ANAPC5: variants seen among roughly 807,000 people sequenced by gnomAD.
ANAPC5 encodes the protein anaphase promoting complex subunit 5.
A neutral mutation model predicts 91.3 loss-of-function variants in ANAPC5; 60 were observed. The observed-to-expected ratio is 0.66, with a 90% CI of 0.53 to 0.81. The LOEUF (loss-of-function observed/expected upper bound fraction) is 0.81. Ranked by LOEUF, ANAPC5 falls within the 40% of genes least tolerant of loss-of-function variation. The pLI is 0.00. For synonymous variants in ANAPC5, 340 were observed against 364.1 expected (o/e 0.93, Z 0.75); for missense variants, 690 against 931.5 (o/e 0.74, Z 3.37).
chr12:121,309,810 C>T lies in ANAPC5; in HGVS notation c.1947G>A (p.Glu649=). ...GGATAGCCCCGTCAGCCAAGATGGG[C>T]TCGATGGCCATGTGGAGAAGACTTA... ...QALSLLHMAI[E]PILADGAILD... Residue 649 remains glutamate, a synonymous_variant, in exon 16 of 17, where the codon GAG becomes GAA. Coordinates refer to ENST00000261819, the MANE Select transcript of ANAPC5 (RefSeq NM_016237.5). 1 of 1,614,148 alleles carries T rather than the reference C, an allele frequency of 6.2e-7. No homozygotes were observed. The highest frequency in any genetic ancestry group is 1.3e-5 in the African/African-American group (1 of 75,050).
At chr12:121,332,715 G>A (rs1258671217) in intron 7 of ANAPC5, 1 of 152,012 alleles carries the variant, frequency 6.6e-6, no homozygotes, top group African/African-American at 2.4e-5. Flanking sequence ...CAGGCCCATA[G>A]ATCCAAGACC....
chr12:121,343,009 T>C (rs986190536), intron 4 of ANAPC5, among the ~76,000 whole-genome samples: 14 of 152,216 alleles, frequency 9.2e-5, no homozygotes, highest in African/African-American at 3.4e-4. Context: ...TAGATTTAAA[T>C]ATAAAGAATA....
intron 1 of ANAPC5, chr12:121,351,061 T>C (rs1403518368): frequency 8.9e-6 from 4 of 449,338 alleles, no homozygotes; most frequent in East Asian, 7.4e-5. Context: ...GAGCTAAACC[T>C]GTGTCTGCAA....
At chr12:121,326,450 TAGC>T (rs1555272268) in intron 11 of ANAPC5, 6 of 152,342 alleles carry the variant, frequency 3.9e-5, no homozygotes, top group Admixed American at 3.3e-4. Context: ...AAGCCTACAG[TAGC>T]AGAAGAGATA....
At chr12:121,332,585 T>TC (rs1235422934) in intron 7 of ANAPC5, 6 of 151,680 alleles carry the variant, frequency 4.0e-5, no homozygotes, top group Non-Finnish European at 5.9e-5. Flanking sequence ...AAGTTTTTTT[T>TC]TTTCTTTTTC....
chr12:121,331,459 T>A (rs782607306), intron 7 of ANAPC5, 31 bp from the exon 8 acceptor site: 3 of 1,564,794 alleles, frequency 1.9e-6, no homozygotes, highest in Non-Finnish European at 2.6e-6. Flanking sequence ...AATATCCCAT[T>A]AATAATCACA....
At chr12:121,325,646 C>A (rs1902786331) in intron 11 of ANAPC5, among the ~76,000 whole-genome samples, 1 of 151,978 alleles carries the variant, frequency 6.6e-6, no homozygotes, top group African/African-American at 2.4e-5. Context: ...GCAGGCGGAT[C>A]ACCTGAGGCC....
upstream of ANAPC5, chr12:121,352,555 G>A: frequency 1.9e-6 from 1 of 524,354 alleles, no homozygotes; most frequent in Middle Eastern, 5.1e-4. Flanking sequence ...GCGGGGAGGG[G>A]TGCACCAAAA....
chr12:121,341,866 G>A (rs943671531), intron 5 of ANAPC5, 137 bp downstream of exon 5: 9 of 538,688 alleles, frequency 1.7e-5, no homozygotes, highest in East Asian at 9.5e-5. Flanking sequence ...AGGCAGAGGG[G>A]ACCAAGAGTA....
rs1193134705 is a variant in ANAPC5, at chr12:121,318,351, C to T, written c.1819G>A (p.Ala607Thr). 1 of 1,611,232 alleles carries T rather than the reference C, an allele frequency of 6.2e-7. No individual in the cohort carries two copies. The highest frequency in any genetic ancestry group is 1.7e-5 in the Admixed American group (1 of 59,442). The change falls in exon 15 of 17, where the codon GCT becomes ACT. Residue 607 changes from alanine (A) to threonine (T), a missense_variant. By Grantham distance (58) the Ala-to-Thr change is moderately conservative. Transcript: ENST00000261819. Reference sequence around the variant, plus strand: ...CGGTACTCCTTGGAGAGGGCCAGAGCCTGCAGGAGCATGGGCAGCGCGATG... The same window carrying T: ...CGGTACTCCTTGGAGAGGGCCAGAGTCTGCAGGAGCATGGGCAGCGCGATG... The part of the protein sequence containing the change: ...PTIALPMLLQ[A>T]LALSKEYRLQ...
chr12:121,324,824 G>A (rs1902749446), intron 11 of ANAPC5, among the ~76,000 whole-genome samples: 1 of 152,168 alleles, frequency 6.6e-6, no homozygotes, highest in South Asian at 2.1e-4. Flanking sequence ...CAAGGCTGCA[G>A]TGAGCTATGA....
intron 11 of ANAPC5, among the ~76,000 whole-genome samples, chr12:121,323,982 T>TA (rs1566184633): frequency 6.6e-6 from 1 of 152,018 alleles, no homozygotes; most frequent in Non-Finnish European, 1.5e-5. Context: ...AGAATGGTTA[T>TA]ATTAGAAAAA....
At chr12:121,351,028 T>C in intron 1 of ANAPC5, 1 of 436,498 alleles carries the variant, frequency 2.3e-6, no homozygotes, top group South Asian at 1.6e-5. Context: ...GAGACCCAAA[T>C]GAATTAAGGA....
At chr12:121,322,013 A>T (rs1902634384) in intron 11 of ANAPC5, among the ~76,000 whole-genome samples, 1 of 151,476 alleles carries the variant, frequency 6.6e-6, no homozygotes, top group Non-Finnish European at 1.5e-5. Context: ...TTACAGGTGC[A>T]TGCCACCACG....
intron 4 of ANAPC5, among the ~76,000 whole-genome samples, chr12:121,344,661 A>T (rs1035688153): frequency 8.5e-5 from 13 of 152,086 alleles, no homozygotes; most frequent in African/African-American, 2.9e-4. Flanking sequence ...GTCTGAGGAA[A>T]GTTGAGCTGT....
At chr12:121,328,636 T>A in intron 9 of ANAPC5, 139 bp from the exon 10 acceptor site, 8 of 773,976 alleles carry the variant, frequency 1.0e-5, no homozygotes. Context: ...ACCTATAACC[T>A]GGCCTTAACC....
At chr12:121,328,618 A>G in intron 9 of ANAPC5, 121 bp from the exon 10 acceptor site, 1 of 923,842 alleles carries the variant, frequency 1.1e-6, no homozygotes, top group Admixed American at 2.5e-5. Flanking sequence ...ACTATTTAAA[A>G]GGAAAGTACC....
chr12:121,320,439 A>C lies in ANAPC5; in HGVS notation c.1461T>G (p.Ser487=). 1 of 1,613,892 alleles carries C rather than the reference A, an allele frequency of 6.2e-7. No individual in the cohort carries two copies. Among genetic ancestry groups the C allele is most frequent in the Non-Finnish European group, 8.5e-7 (1 of 1,179,798 alleles). ...HAEQGCFAAA[S]EVLKHLKERF... ...GTTCCTTCAAGTGCTTTAACACTTC[A>C]GAAGCTGCAGCAAAACAGCCCTAAA... is the stretch of plus-strand genomic sequence containing the variant. The change falls in exon 12 of 17, where the codon TCT becomes TCG. Residue 487 remains serine, a synonymous_variant. Transcript: ENST00000261819.
intron 9 of ANAPC5, 43 bp downstream of exon 9, chr12:121,330,540 T>TCGAC (rs1555272768): frequency 1.9e-6 from 3 of 1,549,220 alleles, no homozygotes; most frequent in Non-Finnish European, 1.8e-6. Context: ...AGACAAAGGC[T>TCGAC]CGACCATTTA....
Sources: allele counts gnomAD v4.1 joint callset (sites outside exome capture counted in the v4.1 genomes callset), GRCh38; gene constraint gnomAD v4.1.1; transcripts MANE v1.5; gene names NCBI Gene and HGNC (gene_info 2026-07-23, HGNC 2026-07-21).